CD248: variants seen among roughly 807,000 people sequenced by gnomAD.
CD248 encodes CD248 molecule.
Under a neutral mutation model 8.0 loss-of-function variants are expected in CD248, and 7 were observed. That is an observed-to-expected ratio of 0.88 (90% CI 0.50 to 1.64). CD248 has a LOEUF of 1.64. Among genes scored for constraint, CD248 ranks in the 40% most tolerant of loss-of-function variants. The pLI, the probability that CD248 is intolerant of heterozygous loss-of-function variation, is 0.00. For synonymous variants in CD248, 418 were observed against 437.1 expected, an observed-to-expected ratio of 0.96 and a Z score of 0.54; for missense variants, 912 against 1,027.2, an observed-to-expected ratio of 0.89 and a Z score of 1.53.
rs939345534 is a variant in CD248 at position 66,314,720 on chromosome 11, C to T, written c.*34G>A. On this transcript the variant is annotated 3_prime_UTR_variant, in exon 1 of 1. Coordinates refer to ENST00000311330, the MANE Select transcript of CD248 (RefSeq NM_020404.3). This position sits in a 1 kb window ranked among gnomAD's most constrained non-coding sequence, Gnocchi z 4.0. ...GGTGCAGCCCCGGCCATGTGTCCAG[C>T]GCCCCATACTCCATGAGGGGGGTCT... 42 of 1,512,596 alleles carry T rather than the reference C, an allele frequency of 2.8e-5. 1 individual carries two copies. The Admixed American group carries it at 3.6e-4, about 13-fold the overall frequency. The allele number at this position is 1,512,596 out of a possible 1,614,324, so 93.7% of individuals were successfully genotyped here.
At position 66,316,407 on chromosome 11, in the gene CD248, C is replaced by T; in HGVS notation, c.621G>A (p.Arg207=). The T allele has an allele frequency of 6.2e-7, 1 of 1,606,956 alleles. No homozygotes were observed. Among genetic ancestry groups the T allele is most frequent in the Non-Finnish European group, 8.5e-7 (1 of 1,179,818 alleles). The part of the protein sequence containing the change: ...SVAAVQCQAG[R]GASLLCVKQP... ...GCTTCACGCAGAGCAGAGAGGCTCC[C>T]CTGCCAGCCTGGCACTGCACAGCGG... The change falls in exon 1 of 1, where the codon AGG becomes AGA. Residue 207 remains arginine, a synonymous_variant. Coordinates refer to ENST00000311330, the MANE Select transcript of CD248 (RefSeq NM_020404.3).
At position 66,316,967 on chromosome 11, in the gene CD248, AG is replaced by A; in HGVS notation, c.60del (p.Trp21GlyfsTer194). On this transcript the variant is annotated frameshift_variant, in exon 1 of 1. Coordinates refer to ENST00000311330, the MANE Select transcript of CD248 (RefSeq NM_020404.3). LOFTEE classifies it low-confidence loss of function (END_TRUNC). ...AAAGPTLGQD[P>X]WAAEPRAACG... ...CAGGCGGCACGGGGCTCAGCAGCCCAGGGGTCCTGGCCCAGTGTGGGCCCTG... is the reference window on the plus strand; with the variant it reads ...CAGGCGGCACGGGGCTCAGCAGCCCAGGGTCCTGGCCCAGTGTGGGCCCTG... 6.5e-7 allele frequency: 1 copy of A among 1,537,366 alleles called. No individual in the cohort carries two copies. Among genetic ancestry groups the A allele is most frequent in the Non-Finnish European group, 8.7e-7 (1 of 1,154,810 alleles).
rs1291378616 is a variant in CD248 at position 66,316,796 on chromosome 11, G to A, written c.232C>T (p.Pro78Ser). 6.3e-7 allele frequency: 1 copy of A among 1,590,236 alleles called. No homozygotes were observed. Among genetic ancestry groups the A allele is most frequent in the Non-Finnish European group, 8.5e-7 (1 of 1,175,520 alleles). ...QRVDSLVGAGPASRLLWIGLQ... is the reference protein window; with the variant it reads ...QRVDSLVGAGSASRLLWIGLQ... The stretch of plus-strand genomic sequence containing the variant: ...CCGATCCACAGCAGCCGGCTGGCTG[G>A]GCCCGCACCCACCAGGCTGTCCACA... Residue 78 changes from proline (P) to serine (S), a missense_variant, in exon 1 of 1, where the codon CCA becomes TCA. Pro to Ser is a moderately conservative substitution (Grantham distance 74, BLOSUM62 -1). Around this residue, in one of 3 missense-constraint regions of CD248, gnomAD observed 403 missense variants for 446.2 expected, o/e 0.90. Coordinates refer to ENST00000311330, the MANE Select transcript of CD248 (RefSeq NM_020404.3).
chr11:66,315,936 G>C lies in CD248; in HGVS notation c.1092C>G (p.Leu364=). The C allele has an allele frequency of 1.9e-6, 3 of 1,613,268 alleles. No homozygotes were observed. Among genetic ancestry groups the C allele is most frequent in the Non-Finnish European group, 2.5e-6 (3 of 1,180,010 alleles). The change falls in exon 1 of 1, where the codon CTC becomes CTG. Residue 364 remains leucine, a synonymous_variant. Transcript: ENST00000311330. This position sits in a 1 kb window ranked among gnomAD's most constrained non-coding sequence, Gnocchi z 4.3. ...CCCCGTCATCCAGCAACTCATCTCC[G>C]AGGTCCTGGGAAGCCTGGGCACCCA... is the stretch of plus-strand genomic sequence containing the variant. ...GAMGAQASQD[L]GDELLDDGED... is the part of the protein sequence containing the mutation.
chr11:66,315,009 C>A lies in CD248; in HGVS notation c.2019G>T (p.Glu673Asp), dbSNP rs2134915872. Reference sequence around the variant, plus strand: ...TCTGGCTGTGCTCGGCAAGACCAGCCTCCCCCAGGGCTGTTGGGGCTGCTG... The same window carrying A: ...TCTGGCTGTGCTCGGCAAGACCAGCATCCCCCAGGGCTGTTGGGGCTGCTG... ...APTAAPTALG[E>D]AGLAEHSQRD... The change falls in exon 1 of 1, where the codon GAG (glutamate) becomes GAT (aspartate). Residue 673 changes from glutamate (E) to aspartate (D), a missense_variant. Glu to Asp is a conservative substitution (Grantham distance 45). This residue lies in a region of CD248 where 507 missense variants were observed against 562.2 expected (regional missense o/e 0.90). Coordinates refer to ENST00000311330, the MANE Select transcript of CD248 (RefSeq NM_020404.3). This position sits in a 1 kb window ranked among gnomAD's most constrained non-coding sequence, Gnocchi z 4.3. 1 of 1,609,180 alleles carries A rather than the reference C, an allele frequency of 6.2e-7. No individual in the cohort carries two copies. Among genetic ancestry groups the A allele is most frequent in the Non-Finnish European group, 8.5e-7 (1 of 1,177,442 alleles).
rs749600195 is a variant in CD248 at position 66,314,992 on chromosome 11, T to C, written c.2036A>G (p.His679Arg). Reference sequence around the variant, plus strand: ...CAGCCACCGGTCATCCCTCTGGCTGTGCTCGGCAAGACCAGCCTCCCCCAG... The same window carrying C: ...CAGCCACCGGTCATCCCTCTGGCTGCGCTCGGCAAGACCAGCCTCCCCCAG... The part of the protein sequence containing the change: ...TALGEAGLAE[H>R]SQRDDRWLLV... Residue 679 changes from histidine to arginine, a missense_variant, in exon 1 of 1, where the codon CAC (histidine) becomes CGC (arginine). His to Arg is a conservative substitution (Grantham distance 29). This residue lies in a region of CD248 where 507 missense variants were observed against 562.2 expected (regional missense o/e 0.90). Transcript: ENST00000311330. This position sits in a 1 kb window ranked among gnomAD's most constrained non-coding sequence, Gnocchi z 4.0. The C allele has an allele frequency of 1.2e-6, 2 of 1,611,902 alleles. No homozygotes were observed. Among genetic ancestry groups the C allele is most frequent in the South Asian group, 2.2e-5 (2 of 91,010 alleles).
In CD248 at chr11:66,314,814, T is replaced by C. The variant is rs760136228; in HGVS notation, c.2214A>G (p.Thr738=). 1.3e-6 allele frequency: 2 copies of C among 1,569,418 alleles called. No homozygotes were observed. Residue 738 remains threonine (T), a synonymous_variant, in exon 1 of 1, where the codon ACA becomes ACG. Transcript: ENST00000311330. This position sits in a 1 kb window ranked among gnomAD's most constrained non-coding sequence, Gnocchi z 4.0. ...GGCTGCCCCTGGGGGGCATGGGTTC[T>C]GTTGGGCTCTTGCTCCCAGCATGGA... is the stretch of plus-strand genomic sequence containing the variant. ...WVIHAGSKSP[T]EPMPPRGSLT... is the part of the protein sequence containing the mutation.
rs746158676 is a variant in CD248 at position 66,315,483 on chromosome 11, A to G, written c.1545T>C (p.Pro515=). The G allele has an allele frequency of 5.2e-5, 84 of 1,613,438 alleles. No individual in the cohort carries two copies. The highest frequency in any genetic ancestry group is 7.1e-5 in the Non-Finnish European group (84 of 1,179,894). The part of the protein sequence containing the change: ...HSAQPPAHQP[P]MISTKYPELF... ...GCTCCGGATATTTGGTTGAGATCATAGGGGGCTGGTGGGCAGGAGGCTGTG... is the reference window on the plus strand; with the variant it reads ...GCTCCGGATATTTGGTTGAGATCATGGGGGGCTGGTGGGCAGGAGGCTGTG... The change falls in exon 1 of 1, where the codon CCT becomes CCC. Residue 515 remains proline, a synonymous_variant. Transcript: ENST00000311330. This position sits in a 1 kb window ranked among gnomAD's most constrained non-coding sequence, Gnocchi z 4.3.
rs1415197929 is a variant in CD248, at chr11:66,314,915, G to C, written c.2113C>G (p.Leu705Val). The C allele has an allele frequency of 6.2e-7, 1 of 1,613,098 alleles. No homozygotes were observed. Among genetic ancestry groups the C allele is most frequent in the East Asian group, 2.2e-5 (1 of 44,876 alleles). Residue 705 changes from leucine (L) to valine (V), a missense_variant, in exon 1 of 1, where the codon CTG (leucine) becomes GTG (valine). Transcript: ENST00000311330. The surrounding 1 kb of genome is among the most constrained non-coding windows in gnomAD (Gnocchi z 4.0). Reference sequence around the variant, plus strand: ...CAGCGGGTGCAGTACACGATGCCCAGTGCAAGCAGGACCACCAAAAAGACA... The same window carrying C: ...CAGCGGGTGCAGTACACGATGCCCACTGCAAGCAGGACCACCAAAAAGACA... ...TCVFLVVLLA[L>V]GIVYCTRCGP... is the part of the protein sequence containing the mutation.
chr11:66,316,205 A>G lies in CD248; in HGVS notation c.823T>C (p.Cys275Arg). 6.2e-7 allele frequency: 1 copy of G among 1,612,982 alleles called. No homozygotes were observed. ...AADGRSCEDP[C>R]AQAPCEQQCE... is the part of the protein sequence containing the mutation. ...TGCTGCTCGCACGGAGCCTGGGCACAGGGGTCCTCGCAACTGCGCCCGTCT... is the reference window on the plus strand; with the variant it reads ...TGCTGCTCGCACGGAGCCTGGGCACGGGGGTCCTCGCAACTGCGCCCGTCT... Residue 275 changes from cysteine (C) to arginine (R), a missense_variant, in exon 1 of 1, where the codon TGT (cysteine) becomes CGT (arginine). Transcript: ENST00000311330.
At position 66,314,589 on chromosome 11, in the gene CD248, G is replaced by C; in HGVS notation, c.*165C>G. On this transcript the variant is annotated 3_prime_UTR_variant, in exon 1 of 1. Transcript: ENST00000311330. The surrounding 1 kb of genome is among the most constrained non-coding windows in gnomAD (Gnocchi z 4.0). ...ATCCTTGGTCACGAGCGCTGGGCCA[G>C]GAAGCAGAGTTCCTGAGAGCCAAGT... 1.6e-6 allele frequency: 1 copy of C among 622,154 alleles called. No individual in the cohort carries two copies. Among genetic ancestry groups the C allele is most frequent in the South Asian group, 2.1e-5 (1 of 48,416 alleles). 38.5% of individuals were successfully genotyped at this position (622,154 alleles called of 1,614,324 possible). A position where few individuals can be genotyped will look rare whatever the true frequency, so the allele number is the denominator to read the frequency against.
At position 66,316,238 on chromosome 11, in the gene CD248, G is replaced by C. The variant is rs758800666; in HGVS notation, c.790C>G (p.Leu264Val). ...VSCRCTEGFRLAADGRSCEDP... is the reference protein window; with the variant it reads ...VSCRCTEGFRVAADGRSCEDP... ...TCGCAACTGCGCCCGTCTGCTGCCA[G>C]CCGGAAGCCCTCAGTGCAGCGGCAG... The change falls in exon 1 of 1, where the codon CTG (leucine) becomes GTG (valine). Residue 264 changes from leucine to valine, a missense_variant. Physicochemically the swap from Leu to Val is conservative, Grantham distance 32 (BLOSUM62 1). Coordinates refer to ENST00000311330, the MANE Select transcript of CD248 (RefSeq NM_020404.3). 1 of 1,613,416 alleles carries C rather than the reference G, an allele frequency of 6.2e-7. No individual in the cohort carries two copies. The highest frequency in any genetic ancestry group is 1.7e-5 in the Admixed American group (1 of 60,004).
rs534962077 is a variant in CD248 at position 66,316,414 on chromosome 11, G to A, written c.614C>T (p.Ala205Val). 106 of 1,605,974 alleles carry A rather than the reference G, an allele frequency of 6.6e-5. No homozygotes were observed. The highest frequency in any genetic ancestry group is 8.8e-5 in the Non-Finnish European group (104 of 1,179,808). ...FGSVAAVQCQ[A>V]GRGASLLCVK... ...GCAGAGCAGAGAGGCTCCCCTGCCAGCCTGGCACTGCACAGCGGCCACAGA... is the reference window on the plus strand; with the variant it reads ...GCAGAGCAGAGAGGCTCCCCTGCCAACCTGGCACTGCACAGCGGCCACAGA... Residue 205 changes from alanine (A) to valine (V), a missense_variant, in exon 1 of 1, where the codon GCT (alanine) becomes GTT (valine). By Grantham distance (64) the Ala-to-Val change is moderately conservative (BLOSUM62 0). Transcript: ENST00000311330.
chr11:66,316,357 G>A lies in CD248; in HGVS notation c.671C>T (p.Ser224Leu). The A allele has an allele frequency of 6.2e-7, 1 of 1,612,328 alleles. No homozygotes were observed. Among genetic ancestry groups the A allele is most frequent in the Non-Finnish European group, 8.5e-7 (1 of 1,179,920 alleles). ...VKQPEGGVGW[S>L]RAGPLCLGTG... ...CCCCAGGCACAGGGGCCCAGCCCGT[G>A]ACCAGCCCACACCTCCCTCAGGCTG... The change falls in exon 1 of 1, where the codon TCA becomes TTA. Residue 224 changes from serine (S) to leucine (L), a missense_variant. Ser to Leu is a moderately radical substitution (Grantham distance 145). Around this residue, in one of 3 missense-constraint regions of CD248, gnomAD observed 403 missense variants for 446.2 expected, o/e 0.90. Coordinates refer to ENST00000311330, the MANE Select transcript of CD248 (RefSeq NM_020404.3).
chr11:66,314,685 A>T lies in CD248; in HGVS notation c.*69T>A. 1.5e-6 allele frequency: 2 copies of T among 1,366,864 alleles called. No individual in the cohort carries two copies. The highest frequency in any genetic ancestry group is 4.4e-5 in the Admixed American group (2 of 45,914). The allele number at this position is 1,366,864 out of a possible 1,614,324, so 84.7% of individuals were successfully genotyped here. ...CCATCTGTCCAGCTGGGCAGCCCCC[A>T]TGGGTCCCTGGTGCAGCCCCGGCCA... On this transcript the variant is annotated 3_prime_UTR_variant, in exon 1 of 1. Coordinates refer to ENST00000311330, the MANE Select transcript of CD248 (RefSeq NM_020404.3). The surrounding 1 kb of genome is among the most constrained non-coding windows in gnomAD (Gnocchi z 4.0).
rs1016367945 is a variant in CD248, at chr11:66,316,693, G to A, written c.335C>T (p.Thr112Met). Residue 112 changes from threonine to methionine, a missense_variant, in exon 1 of 1, where the codon ACG (threonine) becomes ATG (methionine). Thr to Met is a moderately conservative substitution (Grantham distance 81). Around this residue, in one of 3 missense-constraint regions of CD248, gnomAD observed 403 missense variants for 446.2 expected, o/e 0.90. Coordinates refer to ENST00000311330, the MANE Select transcript of CD248 (RefSeq NM_020404.3). ...GFTWTTGDQDTAFTNWAQPAS... is the reference protein window; with the variant it reads ...GFTWTTGDQDMAFTNWAQPAS... ...TGGCTGGGCCCAGTTGGTGAAAGCCGTGTCCTGGTCCCCTGTGGTCCACGT... is the reference window on the plus strand; with the variant it reads ...TGGCTGGGCCCAGTTGGTGAAAGCCATGTCCTGGTCCCCTGTGGTCCACGT... 5 of 1,606,852 alleles carry A rather than the reference G, an allele frequency of 3.1e-6. No homozygotes were observed. The highest frequency in any genetic ancestry group is 1.7e-5 in the Admixed American group (1 of 59,972).
In CD248 at chr11:66,315,065, A is replaced by G. The variant is rs1854527837; in HGVS notation, c.1963T>C (p.Leu655=). ...GCTGGTGAGGGCAGCCACAGGGCCA[A>G]CTTGGGACTGGGGCCATCTTCCCTT... ...IPREDGPSPK[L]ALWLPSPAPT... is the part of the protein sequence containing the mutation. Residue 655 remains leucine (L), a synonymous_variant, in exon 1 of 1, where the codon TTG becomes CTG. Coordinates refer to ENST00000311330, the MANE Select transcript of CD248 (RefSeq NM_020404.3). The surrounding 1 kb of genome is among the most constrained non-coding windows in gnomAD (Gnocchi z 4.3). 4 of 1,573,592 alleles carry G rather than the reference A, an allele frequency of 2.5e-6. No individual in the cohort carries two copies. The highest frequency in any genetic ancestry group is 1.3e-5 in the African/African-American group (1 of 74,150).
At position 66,314,675 on chromosome 11, in the gene CD248, G is replaced by A; in HGVS notation, c.*79C>T. On this transcript the variant is annotated 3_prime_UTR_variant, in exon 1 of 1. Transcript: ENST00000311330. This position sits in a 1 kb window ranked among gnomAD's most constrained non-coding sequence, Gnocchi z 4.0. Reference sequence around the variant, plus strand: ...GAGCAGGAAGCCATCTGTCCAGCTGGGCAGCCCCCATGGGTCCCTGGTGCA... The same window carrying A: ...GAGCAGGAAGCCATCTGTCCAGCTGAGCAGCCCCCATGGGTCCCTGGTGCA... The A allele has an allele frequency of 1.6e-6, 2 of 1,253,172 alleles. No homozygotes were observed. The highest frequency in any genetic ancestry group is 2.2e-6 in the Non-Finnish European group (2 of 907,606). The allele number at this position is 1,253,172 out of a possible 1,614,324, so 77.6% of individuals were successfully genotyped here.
chr11:66,314,836 T>C lies in CD248; in HGVS notation c.2192A>G (p.His731Arg), dbSNP rs777139542. 2 of 1,586,364 alleles carry C rather than the reference T, an allele frequency of 1.3e-6. No homozygotes were observed. Among genetic ancestry groups the C allele is most frequent in the Non-Finnish European group, 1.7e-6 (2 of 1,166,884 alleles). ...TTCTGTTGGGCTCTTGCTCCCAGCA[T>C]GGATGACCCAGCGATAGCAGTCAGT... The part of the protein sequence containing the change: ...RITDCYRWVI[H>R]AGSKSPTEPM... The change falls in exon 1 of 1, where the codon CAT becomes CGT. Residue 731 changes from histidine to arginine, a missense_variant. Physicochemically the swap from His to Arg is conservative, Grantham distance 29. Transcript: ENST00000311330. This position sits in a 1 kb window ranked among gnomAD's most constrained non-coding sequence, Gnocchi z 4.0.
Sources: allele counts gnomAD v4.1 joint callset, GRCh38; gene constraint gnomAD v4.1.1; regional missense constraint gnomAD v4.1.1; non-coding constraint Gnocchi (gnomAD v3.1); transcripts MANE v1.5; gene names NCBI Gene and HGNC (gene_info 2026-07-23, HGNC 2026-07-21).